TMEM127: variants seen among roughly 807,000 people sequenced by gnomAD.
TMEM127 encodes transmembrane protein 127.
A neutral mutation model predicts 20.1 loss-of-function variants in TMEM127; 21 were observed. The ratio of observed to expected loss-of-function variants is 1.04; its 90% CI spans 0.74 to 1.50. The LOEUF is 1.50. Ranked by LOEUF, TMEM127 falls within the 40% of genes most tolerant of loss-of-function variation. The pLI is 0.00. For synonymous variants in TMEM127, 150 were observed against 144.7 expected, an observed-to-expected ratio of 1.04 and a Z score of -0.26; for missense variants, 303 against 317.4, an observed-to-expected ratio of 0.95 and a Z score of 0.34.
In TMEM127 at chr2:96,252,156, G is replaced by A. The variant is rs141942374; in HGVS notation, c.*1652C>T. 2.1e-4 allele frequency: 48 copies of A among 233,412 alleles called. No individual in the cohort carries two copies. The highest frequency in any genetic ancestry group is 1.1e-3 in the African/African-American group (48 of 45,480). The allele number at this position is 233,412 out of a possible 1,614,324, so 14.5% of individuals were successfully genotyped here. A position where few individuals can be genotyped will look rare whatever the true frequency, so the allele number is the denominator to read the frequency against. ...AGCAGCCACTGGCTCGTGTGCAGAT[G>A]TGGCCCTCACCACCCATGCAGGCAT... On this transcript the variant is annotated 3_prime_UTR_variant, in exon 4 of 4. Coordinates refer to ENST00000258439, the MANE Select transcript of TMEM127 (RefSeq NM_017849.4). The surrounding 1 kb of genome is among the most constrained non-coding windows in gnomAD (Gnocchi z 4.2).
At position 96,252,551 on chromosome 2, in the gene TMEM127, G is replaced by C. The variant is rs574710319; in HGVS notation, c.*1257C>G. Reference sequence around the variant, plus strand: ...GCAAGACCAGAGTACATTCAAGAGGGGAGAGGGCACGTGGCAAGCTGGAGT... The same window carrying C: ...GCAAGACCAGAGTACATTCAAGAGGCGAGAGGGCACGTGGCAAGCTGGAGT... On this transcript the variant is annotated 3_prime_UTR_variant, in exon 4 of 4. Coordinates refer to ENST00000258439, the MANE Select transcript of TMEM127 (RefSeq NM_017849.4). The surrounding 1 kb of genome is among the most constrained non-coding windows in gnomAD (Gnocchi z 4.2). The C allele has an allele frequency of 1.5e-4, 36 of 233,904 alleles. No individual in the cohort carries two copies. Among genetic ancestry groups the C allele is most frequent in the Non-Finnish European group, 2.6e-4 (31 of 118,256 alleles). 14.5% of individuals were successfully genotyped at this position (233,904 alleles called of 1,614,324 possible). A position where few individuals can be genotyped will look rare whatever the true frequency, so the allele number is the denominator to read the frequency against.
intron 2 of TMEM127, among the ~76,000 whole-genome samples, chr2:96,263,938 C>CTGCATA (rs1354534952): frequency 1.3e-5 from 2 of 152,104 alleles, no homozygotes; most frequent in Non-Finnish European, 2.9e-5. Flanking sequence ...AGAGAAAAGG[C>CTGCATA]TGCATATAAG....
rs1558756480 is a variant in TMEM127 at position 96,265,151 on chromosome 2, C to A, written c.231G>T (p.Pro77=). 1 of 1,611,922 alleles carries A rather than the reference C, an allele frequency of 6.2e-7. No homozygotes were observed. Among genetic ancestry groups the A allele is most frequent in the Non-Finnish European group, 8.5e-7 (1 of 1,179,682 alleles). ...GVSDVLGYVH[P]DLLKDFCMNP... is the part of the protein sequence containing the mutation. ...CAGCACCCTCACCTTTCAGCAGGTC[C>A]GGGTGCACATAGCCCAACACGTCGG... The change falls in exon 2 of 4, where the codon CCG becomes CCT. Residue 77 remains proline (P), a synonymous_variant. Coordinates refer to ENST00000258439, the MANE Select transcript of TMEM127 (RefSeq NM_017849.4).
chr2:96,261,794 C>A (rs1353836336), intron 2 of TMEM127, among the ~76,000 whole-genome samples: 1 of 152,112 alleles, frequency 6.6e-6, no homozygotes, highest in Non-Finnish European at 1.5e-5. Context: ...CAGTACCTAC[C>A]AAATAAAGAT....
intron 2 of TMEM127, among the ~76,000 whole-genome samples, chr2:96,258,635 C>T (rs968991223): frequency 1.3e-5 from 2 of 152,210 alleles, no homozygotes; most frequent in African/African-American, 4.8e-5. Flanking sequence ...GTGTGTGAAC[C>T]CTGCCAGCAA....
At chr2:96,259,303 G>A (rs1009655666) in intron 2 of TMEM127, among the ~76,000 whole-genome samples, 2 of 152,226 alleles carry the variant, frequency 1.3e-5, no homozygotes, top group Non-Finnish European at 2.9e-5. Flanking sequence ...CAGGCCACAC[G>A]CTGCAGAGCT....
intron 2 of TMEM127, among the ~76,000 whole-genome samples, chr2:96,261,904 C>T (rs1684317754): frequency 6.6e-6 from 1 of 152,144 alleles, no homozygotes; most frequent in Admixed American, 6.5e-5. Context: ...TGCTCCAGGG[C>T]CTGCTGGCTG....
rs1350563227 is a variant in TMEM127 at position 96,250,491 on chromosome 2, AG to A, written c.*3316del. 4.3e-6 allele frequency: 1 copy of A among 232,820 alleles called. No homozygotes were observed. Among genetic ancestry groups the A allele is most frequent in the Non-Finnish European group, 8.5e-6 (1 of 117,834 alleles). The allele number at this position is 232,820 out of a possible 1,614,324, so 14.4% of individuals were successfully genotyped here. On this transcript the variant is annotated 3_prime_UTR_variant, in exon 4 of 4. Transcript: ENST00000258439. ...CTAAGGACATAAAATCCTTGCAGAC[AG>A]GGTCCTGTCCGTCACTGTATATTTC...
chr2:96,248,981 C>A lies in TMEM127; in HGVS notation c.*4827G>T, dbSNP rs1390220018. ...AGGGGCTGGCCAGTCCCGCATAAAC[C>A]CTCCAGCTCTGAGATCAGCCAATCT... is the stretch of plus-strand genomic sequence containing the variant. On this transcript the variant is annotated 3_prime_UTR_variant, in exon 4 of 4. Transcript: ENST00000258439. 4.3e-6 allele frequency: 1 copy of A among 233,032 alleles called. No individual in the cohort carries two copies. Among genetic ancestry groups the A allele is most frequent in the African/African-American group, 2.2e-5 (1 of 45,318 alleles). The allele number at this position is 233,032 out of a possible 1,614,324, so 14.4% of individuals were successfully genotyped here.
intron 1 of TMEM127, 61 bp from the exon 2 acceptor site, chr2:96,265,573 G>A: frequency 1.5e-6 from 1 of 655,016 alleles, no homozygotes; most frequent in South Asian, 6.5e-5. Context: ...AGACGGGGAG[G>A]GCTGCGGGAA....
At position 96,252,302 on chromosome 2, in the gene TMEM127, T is replaced by C. The variant is rs993905348; in HGVS notation, c.*1506A>G. 2 of 232,982 alleles carry C rather than the reference T, an allele frequency of 8.6e-6. No individual in the cohort carries two copies. The allele number at this position is 232,982 out of a possible 1,614,324, so 14.4% of individuals were successfully genotyped here. A position where few individuals can be genotyped will look rare whatever the true frequency, so the allele number is the denominator to read the frequency against. On this transcript the variant is annotated 3_prime_UTR_variant, in exon 4 of 4. Transcript: ENST00000258439. This position sits in a 1 kb window ranked among gnomAD's most constrained non-coding sequence, Gnocchi z 4.2. The stretch of plus-strand genomic sequence containing the variant: ...CTCAAACTATCTATCACCTTAAAGG[T>C]TGGAAGAGATTGGAATCCATTTCCT...
chr2:96,248,585 TCCA>T lies in TMEM127; in HGVS notation c.*5220_*5222del. The T allele has an allele frequency of 4.6e-6, 1 of 217,740 alleles. No individual in the cohort carries two copies. Among genetic ancestry groups the T allele is most frequent in the Non-Finnish European group, 9.2e-6 (1 of 108,262 alleles). 13.5% of individuals were successfully genotyped at this position (217,740 alleles called of 1,614,324 possible). ...CCAAGGTTATTCCAGAAGGAAACTC[TCCA>T]CCAATAGTGGTGGCACTAGACATAT... On this transcript the variant is annotated 3_prime_UTR_variant, in exon 4 of 4. Transcript: ENST00000258439.
intron 2 of TMEM127, among the ~76,000 whole-genome samples, chr2:96,259,128 C>T (rs62153030): frequency 0.02 from 3,000 of 152,310 alleles, 46 homozygotes; most frequent in Middle Eastern, 0.051. Context: ...CCTCCCCTTG[C>T]GGATGTCCAC....
chr2:96,254,414 G>A (rs560678547), intron 3 of TMEM127, among the ~76,000 whole-genome samples: 10 of 152,300 alleles, frequency 6.6e-5, no homozygotes, highest in South Asian at 2.1e-4. Flanking sequence ...GTGCAGGCAC[G>A]AGGGAGGACA....
At chr2:96,257,153 TA>T (rs1287349795) in intron 2 of TMEM127, among the ~76,000 whole-genome samples, 5 of 152,102 alleles carry the variant, frequency 3.3e-5, no homozygotes, top group African/African-American at 1.2e-4. Flanking sequence ...AGCCATTCTT[TA>T]AAAAAACATT....
rs958944529 is a variant in TMEM127 at position 96,255,085 on chromosome 2, C to A, written c.245-88G>T. Reference sequence around the variant, plus strand: ...TAGAAGGAGTTTGATTCCCCTCCACCACAGTCCTGGGAGCCAGGGCAGTTC... The same window carrying A: ...TAGAAGGAGTTTGATTCCCCTCCACAACAGTCCTGGGAGCCAGGGCAGTTC... On this transcript the variant is annotated intron_variant, in intron 2 of 3. Coordinates refer to ENST00000258439, the MANE Select transcript of TMEM127 (RefSeq NM_017849.4). 16 of 1,557,044 alleles carry A rather than the reference C, an allele frequency of 1.0e-5. No homozygotes were observed. The East Asian group carries it at 3.3e-4, about 32-fold the overall frequency.
Position 96,252,382 on chromosome 2 carries a change from A to C in TMEM127, c.*1426T>G. ...AAGAAGCAAGTAACTTAACAAGGAC[A>C]GGTTGGCCATCTGGATCTACACTGA... is the stretch of plus-strand genomic sequence containing the variant. On this transcript the variant is annotated 3_prime_UTR_variant, in exon 4 of 4. Coordinates refer to ENST00000258439, the MANE Select transcript of TMEM127 (RefSeq NM_017849.4). This position sits in a 1 kb window ranked among gnomAD's most constrained non-coding sequence, Gnocchi z 4.2. The C allele has an allele frequency of 4.3e-6, 1 of 233,524 alleles. No homozygotes were observed. Among genetic ancestry groups the C allele is most frequent in the African/African-American group, 2.2e-5 (1 of 45,494 alleles). 14.5% of individuals were successfully genotyped at this position (233,524 alleles called of 1,614,324 possible). A position where few individuals can be genotyped will look rare whatever the true frequency, so the allele number is the denominator to read the frequency against.
chr2:96,254,454 T>A (rs1463494189), intron 3 of TMEM127, among the ~76,000 whole-genome samples: 1 of 152,074 alleles, frequency 6.6e-6, no homozygotes, highest in Non-Finnish European at 1.5e-5. Context: ...GGCGGGTCTG[T>A]AGGGAAGCAG....
chr2:96,265,720 C>G (rs994446846), intron 1 of TMEM127, 149 bp downstream of exon 1: 5 of 256,902 alleles, frequency 1.9e-5, no homozygotes, highest in African/African-American at 1.1e-4. Context: ...AGAGCAAAGA[C>G]CCGGAGTCAG....
Sources: allele counts gnomAD v4.1 joint callset (sites outside exome capture counted in the v4.1 genomes callset), GRCh38; gene constraint gnomAD v4.1.1; non-coding constraint Gnocchi (gnomAD v3.1); transcripts MANE v1.5; gene names NCBI Gene and HGNC (gene_info 2026-07-23, HGNC 2026-07-21).